The following PRDM11 variants were observed in gnomAD, a reference collection of about 807,000 sequenced individuals.
The protein encoded by PRDM11 is PR/SET domain 11, also known as PR domain-containing protein 11.
A neutral mutation model predicts 97.8 loss-of-function variants in PRDM11; 20 were observed. The observed-to-expected ratio is 0.20, with a 90% confidence interval of 0.14 to 0.30. The LOEUF (loss-of-function observed/expected upper bound fraction) is 0.30. Ranked by LOEUF, PRDM11 falls within the 10% of genes least tolerant of loss-of-function variation. The pLI is 1.00. For synonymous variants in PRDM11, 599 were observed against 637.7 expected (o/e 0.94, Z 0.91); for missense variants, 1,139 against 1,555.2 (o/e 0.73, Z 4.50).
intron 1 of PRDM11, among the ~76,000 whole-genome samples, chr11:45,163,887 T>G (rs2135707413): frequency 6.6e-6 from 1 of 152,304 alleles, no homozygotes; most frequent in South Asian, 2.1e-4. Context: ...GTCCTGAGAC[T>G]GTGAAAAGCA....
chr11:45,209,980 C>T (rs2135812224), intron 5 of PRDM11, among the ~76,000 whole-genome samples: 1 of 152,232 alleles, frequency 6.6e-6, no homozygotes, highest in South Asian at 2.1e-4. Context: ...CAGAGAACAG[C>T]ATGTACGAGG....
chr11:45,113,118 C>T (rs112443761), intron 1 of PRDM11, among the ~76,000 whole-genome samples: 3,827 of 152,130 alleles, frequency 0.025, 169 homozygotes, highest in African/African-American at 0.088. Context: ...CACCATGAAT[C>T]GATTTTTGTA....
chr11:45,095,585 G>A (rs1851877693), upstream of PRDM11, among the ~76,000 whole-genome samples: 1 of 152,214 alleles, frequency 6.6e-6, no homozygotes, highest in Non-Finnish European at 1.5e-5. Context: ...TGGCAGCTGA[G>A]AGTAGAGGCC....
chr11:45,114,277 T>G (rs531841753), intron 1 of PRDM11, among the ~76,000 whole-genome samples: 5 of 152,036 alleles, frequency 3.3e-5, no homozygotes, highest in Non-Finnish European at 7.4e-5. Flanking sequence ...AAATAGAAAT[T>G]CTAGACTTGA....
rs561128295 is a variant in PRDM11 at position 45,199,519 on chromosome 11, A to C, written c.487-5192A>C. On this transcript the variant is annotated intron_variant, in intron 4 of 7. Transcript: ENST00000683152. The stretch of plus-strand genomic sequence containing the variant: ...AGGCTAAGGGAGCCTCTCACCATGC[A>C]GGTTCCCCAGGTTATCAGCCTGGTT... Among the ~76,000 whole-genome samples the C allele has an allele frequency of 5.3e-5, 8 of 152,262 alleles. No homozygotes were observed. In the East Asian group the frequency reaches 1.4e-3, roughly 26 times the overall value.
intron 5 of PRDM11, chr11:45,213,364 G>C: frequency 2.2e-6 from 1 of 451,202 alleles, no homozygotes; most frequent in South Asian, 1.6e-5. Context: ...ACAGTGGGGA[G>C]CATCCGAATG....
At chr11:45,179,104 G>T (rs1852403837) in intron 1 of PRDM11, among the ~76,000 whole-genome samples, 1 of 152,198 alleles carries the variant, frequency 6.6e-6, no homozygotes, top group Non-Finnish European at 1.5e-5. Context: ...CCCATGGCAG[G>T]ATGGAGAATG....
At chr11:45,098,692 G>A (rs888045396) in intron 1 of PRDM11, among the ~76,000 whole-genome samples, 119 of 152,180 alleles carry the variant, frequency 7.8e-4, no homozygotes, top group African/African-American at 2.8e-3. Flanking sequence ...GGGCAATGGA[G>A]AATTCCTGGA....
chr11:45,152,075 T>C (rs1851673212), intron 1 of PRDM11, among the ~76,000 whole-genome samples: 3 of 152,124 alleles, frequency 2.0e-5, no homozygotes, highest in Non-Finnish European at 4.4e-5. Flanking sequence ...CATTTATTTA[T>C]TTATTTATTT....
intron 1 of PRDM11, among the ~76,000 whole-genome samples, chr11:45,124,844 C>T (rs1267732129): frequency 6.6e-6 from 1 of 152,216 alleles, no homozygotes; most frequent in Non-Finnish European, 1.5e-5. Context: ...CAGGATGATG[C>T]TGGCCTCATA....
At chr11:45,166,543 C>T (rs1303887852) in intron 1 of PRDM11, among the ~76,000 whole-genome samples, 3 of 152,220 alleles carry the variant, frequency 2.0e-5, no homozygotes, top group African/African-American at 7.2e-5. Flanking sequence ...CACCAGGGGG[C>T]CTGGATGCCA....
chr11:45,224,970 T>C, intron 7 of PRDM11, 127 bp downstream of exon 7: 2 of 1,542,778 alleles, frequency 1.3e-6, no homozygotes, highest in Non-Finnish European at 1.7e-6. Flanking sequence ...TGGAGGCGGC[T>C]ACCTCCGTGG....
intron 1 of PRDM11, among the ~76,000 whole-genome samples, chr11:45,141,085 T>C (rs1851395119): frequency 2.0e-5 from 3 of 152,196 alleles, no homozygotes; most frequent in African/African-American, 7.2e-5. Context: ...CAAGGCAAGC[T>C]CTACCGCTGG....
At chr11:45,147,142 C>T (rs1197837650) in intron 1 of PRDM11, among the ~76,000 whole-genome samples, 3 of 151,530 alleles carry the variant, frequency 2.0e-5, no homozygotes, top group Non-Finnish European at 4.4e-5. Context: ...CGCCCTCCGC[C>T]TCCTTCCTCC....
chr11:45,209,487 G>A (rs1331645317), intron 5 of PRDM11, among the ~76,000 whole-genome samples: 1 of 152,138 alleles, frequency 6.6e-6, no homozygotes, highest in Non-Finnish European at 1.5e-5. Flanking sequence ...AATATTTACT[G>A]AGCATCTCCG....
rs1554963199 is a variant in PRDM11 at position 45,101,564 on chromosome 11, A to AGAAGAAGAAGAAGAAG, written c.96+5663_96+5664insGAAGAAGAAGAAGAAG. 1.7e-3 allele frequency among the ~76,000 whole-genome samples: 187 copies of AGAAGAAGAAGAAGAAG among 108,592 alleles called. 7 individuals carry two copies. The highest frequency in any genetic ancestry group is 8.9e-3 in the African/African-American group (175 of 19,702). 71.2% of individuals were successfully genotyped at this position (108,592 alleles called of 152,430 possible). ...GAGCAACACTCTGTCTCAAAAAAAA[A>AGAAGAAGAAGAAGAAG]AAAAAGAAGAAGAAGAAGAAGAAGA... is the stretch of plus-strand genomic sequence containing the variant. On this transcript the variant is annotated intron_variant, in intron 1 of 6. Coordinates refer to the PRDM11 transcript ENST00000530656.
intron 1 of PRDM11, among the ~76,000 whole-genome samples, chr11:45,167,209 G>A (rs1852084955): frequency 6.6e-6 from 1 of 152,218 alleles, no homozygotes; most frequent in Non-Finnish European, 1.5e-5. Flanking sequence ...TTAAGTCAAG[G>A]TCTTATTGGA....
At chr11:45,108,604 C>A (rs1182699859) in intron 1 of PRDM11, among the ~76,000 whole-genome samples, 1 of 152,176 alleles carries the variant, frequency 6.6e-6, no homozygotes, top group African/African-American at 2.4e-5. Flanking sequence ...GCAGGTGTGT[C>A]CTCATGGTGG....
Position 45,204,731 on chromosome 11 carries a change from C to G in PRDM11, c.507C>G (p.Arg169=). 6.2e-7 allele frequency: 1 copy of G among 1,612,892 alleles called. No homozygotes were observed. Among genetic ancestry groups the G allele is most frequent in the Non-Finnish European group, 8.5e-7 (1 of 1,178,890 alleles). The part of the protein sequence containing the change: ...FSWLIVDKNN[R]YKSIDGSDET... ...TCCAGATTGTGGACAAGAACAACCG[C>G]TATAAGTCCATAGATGGCTCAGACG... The change falls in exon 5 of 8, where the codon CGC becomes CGG. Residue 169 remains arginine (R), a synonymous_variant. Coordinates refer to ENST00000683152, the MANE Select transcript of PRDM11 (RefSeq NM_001384648.1).
Sources: gnomAD v4.1 joint callset for allele counts (sites outside exome capture counted in the v4.1 genomes callset) on GRCh38, gnomAD v4.1.1 for gene constraint, MANE v1.5 for transcripts, NCBI Gene and HGNC (gene_info 2026-07-23, HGNC 2026-07-21) for gene names.